SLC29A3: variants seen among roughly 807,000 people sequenced by gnomAD.
The protein encoded by SLC29A3 is equilibrative nucleoside transporter 3.
SLC29A3 carries 18 observed loss-of-function variants against 25.4 expected under a neutral mutation model. The observed-to-expected ratio is 0.71, with a 90% CI of 0.49 to 1.05. SLC29A3 has a LOEUF of 1.05. Ranked by LOEUF, SLC29A3 falls within the 50% of genes least tolerant of loss-of-function variation. The probability of loss-of-function intolerance (pLI) is 0.00; values close to 1 mark genes in which losing one functional copy is unlikely to be tolerated. For synonymous variants in SLC29A3, 258 were observed against 267.1 expected, an observed-to-expected ratio of 0.97 and a Z score of 0.33; for missense variants, 586 against 609.0, an observed-to-expected ratio of 0.96 and a Z score of 0.40.
chr10:71,362,283 G>A lies in SLC29A3; in HGVS notation c.1103G>A (p.Trp368Ter). 1 of 1,614,170 alleles carries A rather than the reference G, an allele frequency of 6.2e-7. No homozygotes were observed. Among genetic ancestry groups the A allele is most frequent in the Non-Finnish European group, 8.5e-7 (1 of 1,180,030 alleles). Residue 368 changes from tryptophan (W) to a stop codon, truncating the protein, a stop_gained, in exon 6 of 6, where the codon TGG (tryptophan) becomes TAG (stop). Transcript: ENST00000373189. LOFTEE classifies it low-confidence loss of function (END_TRUNC). ...CTATGTGGCCGGCAGCTCACCGCCTGGATCCAGGTGCCAGGGCCCAATAGC... is the reference window on the plus strand; with the variant it reads ...CTATGTGGCCGGCAGCTCACCGCCTAGATCCAGGTGCCAGGGCCCAATAGC... ...ADLCGRQLTA[W>*]IQVPGPNSKA... is the part of the protein sequence containing the mutation.
At chr10:71,324,358 T>C (rs1359472026) in intron 2 of SLC29A3, among the ~76,000 whole-genome samples, 1 of 152,198 alleles carries the variant, frequency 6.6e-6, no homozygotes, top group Admixed American at 6.5e-5. Context: ...GGGCCGACAT[T>C]TCCTATTCCT....
chr10:71,358,054 A>G (rs980057322), intron 5 of SLC29A3, among the ~76,000 whole-genome samples: 1 of 152,096 alleles, frequency 6.6e-6, no homozygotes, highest in East Asian at 1.9e-4. Flanking sequence ...TGCAGCTGTG[A>G]TCGTATTTTC....
At chr10:71,366,874 T>C (rs1186943261), downstream of SLC29A3, among the ~76,000 whole-genome samples, 1 of 152,212 alleles carries the variant, frequency 6.6e-6, no homozygotes, top group African/African-American at 2.4e-5. Context: ...TATTCTACCA[T>C]CGTCACTTCC....
chr10:71,351,315 C>T (rs950235803), intron 3 of SLC29A3, among the ~76,000 whole-genome samples: 23 of 152,242 alleles, frequency 1.5e-4, no homozygotes, highest in African/African-American at 5.1e-4. Context: ...GCCTCACCCC[C>T]CTGTGAGTTG....
intron 2 of SLC29A3, among the ~76,000 whole-genome samples, chr10:71,325,562 C>G (rs1270031779): frequency 6.6e-6 from 1 of 152,212 alleles, no homozygotes. Flanking sequence ...CCTCAACTCC[C>G]CCCATGATCT....
In SLC29A3 at chr10:71,362,355, T is replaced by C. The variant is rs777260346; in HGVS notation, c.1175T>C (p.Leu392Pro). 2 of 1,614,086 alleles carry C rather than the reference T, an allele frequency of 1.2e-6. No individual in the cohort carries two copies. Among genetic ancestry groups the C allele is most frequent in the Admixed American group, 3.3e-5 (2 of 60,018 alleles). ...FVLLRTCLIPLFVLCNYQPRV... is the reference protein window; with the variant it reads ...FVLLRTCLIPPFVLCNYQPRV... Reference sequence around the variant, plus strand: ...CTCCTCCGGACCTGCCTCATCCCCCTCTTCGTGCTCTGTAACTACCAGCCC... The same window carrying C: ...CTCCTCCGGACCTGCCTCATCCCCCCCTTCGTGCTCTGTAACTACCAGCCC... Residue 392 changes from leucine (L) to proline (P), a missense_variant, in exon 6 of 6, where the codon CTC becomes CCC. Physicochemically the swap from Leu to Pro is moderately conservative, Grantham distance 98. Coordinates refer to ENST00000373189, the MANE Select transcript of SLC29A3 (RefSeq NM_018344.6).
chr10:71,375,981 G>T (rs574358023), intron 4 of SLC29A3, among the ~76,000 whole-genome samples: 1 of 152,218 alleles, frequency 6.6e-6, no homozygotes, highest in Admixed American at 6.5e-5. Context: ...AGCGAAGAGC[G>T]TCAGCAGTGG....
chr10:71,344,160 AC>A, intron 2 of SLC29A3, 48 bp from the exon 3 acceptor site: 1 of 1,445,582 alleles, frequency 6.9e-7, no homozygotes, highest in South Asian at 1.1e-5. Flanking sequence ...GGAACTGCTC[AC>A]CTCCATCCCT....
chr10:71,360,134 C>CTTT (rs10532475), intron 5 of SLC29A3, among the ~76,000 whole-genome samples: 162 of 71,500 alleles, frequency 2.3e-3, no homozygotes, highest in East Asian at 6.3e-3. Context: ...TCTTCTTCTT[C>CTTT]TTTTTTTTTT....
chr10:71,374,720 G>C (rs1847236782), intron 3 of SLC29A3, among the ~76,000 whole-genome samples: 1 of 152,204 alleles, frequency 6.6e-6, no homozygotes, highest in Non-Finnish European at 1.5e-5. Flanking sequence ...GCCCCTTCTG[G>C]TGTAGAACCT....
chr10:71,344,799 A>AC (rs980723378), intron 3 of SLC29A3, among the ~76,000 whole-genome samples: 2 of 151,916 alleles, frequency 1.3e-5, no homozygotes, highest in African/African-American at 4.8e-5. Context: ...ATGTCCATAG[A>AC]CCCCCGTGGG....
downstream of SLC29A3, chr10:71,363,424 G>T: frequency 2.3e-6 from 1 of 432,234 alleles, no homozygotes; most frequent in Non-Finnish European, 4.7e-6. Flanking sequence ...GTCTTAACAA[G>T]CAATGGCACA....
At chr10:71,361,796 C>G (rs1000934746) in intron 5 of SLC29A3, among the ~76,000 whole-genome samples, 158 bp from the exon 6 acceptor site, 2 of 152,218 alleles carry the variant, frequency 1.3e-5, no homozygotes, top group African/African-American at 4.8e-5. Flanking sequence ...CACCCCGTGA[C>G]AGCATCTGTC....
intron 3 of SLC29A3, among the ~76,000 whole-genome samples, chr10:71,346,354 A>G (rs535336610): frequency 1.3e-5 from 2 of 152,224 alleles, no homozygotes; most frequent in South Asian, 2.1e-4. Context: ...CTGGTTTGAG[A>G]TGGGAAAACA....
chr10:71,368,407 T>C (rs1191408512), intron 3 of SLC29A3, among the ~76,000 whole-genome samples: 1 of 152,224 alleles, frequency 6.6e-6, no homozygotes, highest in Non-Finnish European at 1.5e-5. Context: ...TGCTTCCCTA[T>C]GGCAGGCTGT....
At position 71,351,795 on chromosome 10, in the gene SLC29A3, G is replaced by T. The variant is rs1170937764; in HGVS notation, c.610+7G>T. ...TCCCAGGCACTGATATCAGGTGAGA[G>T]CCAGGGTCCGGGCAGCTGACCAGGT... On this transcript the variant is annotated splice_region_variant and intron_variant, in intron 4 of 5. Coordinates refer to ENST00000373189, the MANE Select transcript of SLC29A3 (RefSeq NM_018344.6). The T allele has an allele frequency of 6.2e-7, 1 of 1,605,000 alleles. No individual in the cohort carries two copies. Among genetic ancestry groups the T allele is most frequent in the Admixed American group, 1.7e-5 (1 of 59,086 alleles).
intron 2 of SLC29A3, among the ~76,000 whole-genome samples, chr10:71,325,441 A>G (rs1459673797): frequency 1.3e-5 from 2 of 152,214 alleles, no homozygotes; most frequent in Admixed American, 1.3e-4. Flanking sequence ...GAAAAGGAAT[A>G]AAAATACCAA....
chr10:71,322,419 T>C (rs1251422599), intron 1 of SLC29A3, among the ~76,000 whole-genome samples: 4 of 152,254 alleles, frequency 2.6e-5, no homozygotes, highest in Admixed American at 2.0e-4. Context: ...CAGGTTTGCC[T>C]TTCTGGGTAC....
chr10:71,345,355 C>CCT (rs140263729), intron 3 of SLC29A3, among the ~76,000 whole-genome samples: 6 of 151,754 alleles, frequency 4.0e-5, no homozygotes, highest in South Asian at 4.2e-4. Flanking sequence ...ATTCATATCC[C>CCT]CTCTCTCTCT....
Sources: allele counts gnomAD v4.1 joint callset (sites outside exome capture counted in the v4.1 genomes callset), GRCh38; gene constraint gnomAD v4.1.1; transcripts MANE v1.5; gene names NCBI Gene and HGNC (gene_info 2026-07-23, HGNC 2026-07-21).